CELF2: variants seen among roughly 807,000 people sequenced by gnomAD.
The protein encoded by CELF2 is CUGBP Elav-like family member 2.
In CELF2, 8 loss-of-function variants were observed where a neutral mutation model predicts 62.6. The observed-to-expected ratio is 0.13, with a 90% confidence interval of 0.07 to 0.23. The LOEUF is 0.23. CELF2 is among the 10% of genes least tolerant of loss of function. The pLI is 1.00. For synonymous variants in CELF2, 258 were observed against 250.0 expected (o/e 1.03, Z -0.30); for missense variants, 333 against 671.0 (o/e 0.50, Z 5.56).
chr10:10,719,032 C>T, the CELF2 span, among the ~76,000 whole-genome samples: 4 of 140,820 alleles, frequency 2.8e-5, no homozygotes, highest in Admixed American at 1.5e-4. Flanking sequence ...GTCACCCAGG[C>T]TGGAGTACAG....
At chr10:10,664,980 C>A in the CELF2 span, among the ~76,000 whole-genome samples, 2 of 152,116 alleles carry the variant, frequency 1.3e-5, no homozygotes, top group Non-Finnish European at 2.9e-5. Context: ...AGTGTGAAGC[C>A]ACTCAACACT....
At chr10:11,077,141 G>A (rs2072239530) in intron 1 of CELF2, among the ~76,000 whole-genome samples, 1 of 152,170 alleles carries the variant, frequency 6.6e-6, no homozygotes, top group Admixed American at 6.5e-5. Flanking sequence ...TGTCTCCGTG[G>A]TGGTAGTAGT....
the CELF2 span, among the ~76,000 whole-genome samples, chr10:10,565,275 T>A: frequency 6.6e-6 from 1 of 152,232 alleles, no homozygotes; most frequent in Non-Finnish European, 1.5e-5. Flanking sequence ...CCAGAAAATG[T>A]TAAGAGCAAT....
chr10:11,065,050 C>T (rs1005114280), intron 1 of CELF2, among the ~76,000 whole-genome samples: 2 of 152,160 alleles, frequency 1.3e-5, no homozygotes, highest in African/African-American at 4.8e-5. Flanking sequence ...AAGTGAAGTT[C>T]CCTGCTATCA....
At position 11,010,530 on chromosome 10, in the gene CELF2, T is replaced by A. The variant is rs570278322; in HGVS notation, c.53+5090T>A. On this transcript the variant is annotated intron_variant, in intron 1 of 12. Coordinates refer to the CELF2 transcript ENST00000416382. This position sits in a 1 kb window ranked among gnomAD's most constrained non-coding sequence, Gnocchi z 4.1. ...ACTAACTGGTTACTTTGATCTTGTA[T>A]AATTTAATCCTCAGATATCCAAGAG... Among the ~76,000 whole-genome samples the A allele has an allele frequency of 5.3e-5, 8 of 152,230 alleles. No individual in the cohort carries two copies. The highest frequency in any genetic ancestry group is 1.2e-4 in the Non-Finnish European group (8 of 68,034).
chr10:10,616,691 CGTGTGTGTGTGTGTGT>C, the CELF2 span, among the ~76,000 whole-genome samples: 1 of 134,428 alleles, frequency 7.4e-6, no homozygotes, highest in East Asian at 2.3e-4. Context: ...TGTGTGTGTG[CGTGTGTGTGTGTGTGT>C]GTGTGTGTGT....
At chr10:10,817,594 GCTTA>G (rs1201764456) in intron 1 of CELF2, among the ~76,000 whole-genome samples, 2 of 151,994 alleles carry the variant, frequency 1.3e-5, no homozygotes, top group African/African-American at 4.8e-5. Flanking sequence ...CCTGTGCCTG[GCTTA>G]CTTCATTTAA....
intron 1 of CELF2, among the ~76,000 whole-genome samples, chr10:11,031,512 T>A (rs1242695456): frequency 6.6e-6 from 1 of 152,200 alleles, no homozygotes; most frequent in African/African-American, 2.4e-5. Context: ...AGAGTAGAAT[T>A]CATGCATGGG....
At chr10:11,093,289 G>A (rs1353599429) in intron 1 of CELF2, among the ~76,000 whole-genome samples, 1 of 152,130 alleles carries the variant, frequency 6.6e-6, no homozygotes, top group Admixed American at 6.5e-5. Context: ...AATTCCAGTG[G>A]ACTATTCCCA....
the CELF2 span, among the ~76,000 whole-genome samples, chr10:10,467,435 T>C: frequency 6.6e-6 from 1 of 152,172 alleles, no homozygotes; most frequent in East Asian, 1.9e-4. Flanking sequence ...TACCATGGAT[T>C]TATACATTTA....
intron 1 of CELF2, among the ~76,000 whole-genome samples, chr10:11,109,759 G>A (rs1159489446): frequency 1.3e-5 from 2 of 152,172 alleles, no homozygotes; most frequent in Non-Finnish European, 2.9e-5. Flanking sequence ...TGTTGAGGAA[G>A]CAACGCTTGT....
chr10:10,551,985 C>T, the CELF2 span, among the ~76,000 whole-genome samples: 1 of 151,858 alleles, frequency 6.6e-6, no homozygotes, highest in African/African-American at 2.4e-5. Flanking sequence ...TTTTAAATAC[C>T]CTGCATTTAA....
chr10:10,998,022 A>C (rs1321073608), intron 2 of CELF2, among the ~76,000 whole-genome samples: 3 of 152,158 alleles, frequency 2.0e-5, no homozygotes, highest in African/African-American at 7.2e-5. Context: ...GGTTTTATAA[A>C]GGGGAGTTCC....
At chr10:10,973,006 G>T (rs1205540974) in intron 2 of CELF2, among the ~76,000 whole-genome samples, 2 of 152,116 alleles carry the variant, frequency 1.3e-5, no homozygotes, top group Non-Finnish European at 2.9e-5. Context: ...AAAGCAGAAG[G>T]CAGCCGGGCA....
At chr10:10,807,767 T>C (rs965944175) in intron 1 of CELF2, among the ~76,000 whole-genome samples, 1 of 152,200 alleles carries the variant, frequency 6.6e-6, no homozygotes. Flanking sequence ...CTTATCACTT[T>C]ACCAAGTCCA....
the CELF2 span, among the ~76,000 whole-genome samples, chr10:10,698,656 GA>G: frequency 6.6e-6 from 1 of 152,262 alleles, no homozygotes; most frequent in South Asian, 2.1e-4. Flanking sequence ...CTTCCCAGCT[GA>G]CTTCTGCTTT....
the CELF2 span, among the ~76,000 whole-genome samples, chr10:10,699,546 G>C: frequency 1.5e-3 from 232 of 152,346 alleles, 3 homozygotes; most frequent in South Asian, 2.7e-3. Flanking sequence ...AGTGACATTT[G>C]ATCTGTCATC....
At chr10:11,009,318 TGTG>T (rs1282926509) in intron 1 of CELF2, among the ~76,000 whole-genome samples, 1 of 129,176 alleles carries the variant, frequency 7.7e-6, no homozygotes, top group Non-Finnish European at 1.6e-5. Context: ...AGATGGAAGT[TGTG>T]TGTGTGTGTG....
the CELF2 span, chr10:10,784,444 A>G: frequency 1.3e-5 from 2 of 152,400 alleles, no homozygotes; most frequent in African/African-American, 4.8e-5. Context: ...GACTTGAAAG[A>G]TGAATGTAAG....
Sources: allele counts gnomAD v4.1 joint callset (sites outside exome capture counted in the v4.1 genomes callset), GRCh38; gene constraint gnomAD v4.1.1; non-coding constraint Gnocchi (gnomAD v3.1); transcripts MANE v1.5; gene names NCBI Gene and HGNC (gene_info 2026-07-23, HGNC 2026-07-21).